The following LTK variants were observed in gnomAD, a reference collection of about 807,000 sequenced individuals.
The protein encoded by LTK is leukocyte tyrosine kinase receptor.
A neutral mutation model predicts 101.5 loss-of-function variants in LTK; 117 were observed. The observed-to-expected ratio is 1.15, with a 90% CI of 0.99 to 1.34. LTK has a LOEUF of 1.34. Ranked by LOEUF, LTK falls within the 40% of genes most tolerant of loss-of-function variation. LTK has a pLI of 0.00. For missense variants in LTK, 1,252 were observed against 1,164.7 expected, an observed-to-expected ratio of 1.07 and a Z score of -1.09; for synonymous variants, 563 against 494.2, an observed-to-expected ratio of 1.14 and a Z score of -1.85.
At position 41,511,009 on chromosome 15, in the gene LTK, C is replaced by T. The variant is rs1330956339; in HGVS notation, c.997+155G>A. On this transcript the variant is annotated intron_variant, in intron 7 of 19. Coordinates refer to ENST00000263800, the MANE Select transcript of LTK (RefSeq NM_002344.6). The surrounding 1 kb of genome is among the most constrained non-coding windows in gnomAD (Gnocchi z 5.9). ...GCTGATTTGCAGTGTATTTGACCTC[C>T]TTTTCTAAGAGCTCCTGCTTTTTGT... 6.6e-6 allele frequency among the ~76,000 whole-genome samples: 1 copy of T among 152,210 alleles called. No individual in the cohort carries two copies. Among genetic ancestry groups the T allele is most frequent in the Admixed American group, 6.5e-5 (1 of 15,282 alleles).
At chr15:41,504,454 T>C in intron 18 of LTK, 22 bp from the exon 19 acceptor site, 2 of 1,614,004 alleles carry the variant, frequency 1.2e-6, no homozygotes, top group Non-Finnish European at 1.7e-6. Flanking sequence ...CAGGAGTTCA[T>C]GCCCACCCAT....
intron 4 of LTK, 69 bp downstream of exon 4, chr15:41,512,046 C>T (rs1051187181): frequency 2.0e-6 from 3 of 1,488,458 alleles, no homozygotes; most frequent in Non-Finnish European, 2.7e-6. Context: ...GGAAAGCACG[C>T]TCCCCCGGCC....
rs772682331 is a variant in LTK, at chr15:41,507,123, C to A, written c.1513G>T (p.Val505Phe). The A allele has an allele frequency of 1.2e-6, 2 of 1,613,540 alleles. No individual in the cohort carries two copies. Among genetic ancestry groups the A allele is most frequent in the South Asian group, 1.1e-5 (1 of 91,038 alleles). ...SWPLPPGVTE[V>F]SPANVTLLRA... ...AGCAGAGTAACATTGGCTGGGGAAA[C>A]CTCGGTGACACCTGGTGGCAGAGGC... Residue 505 changes from valine (V) to phenylalanine (F), a missense_variant, in exon 11 of 20, where the codon GTT (valine) becomes TTT (phenylalanine). Val to Phe is a conservative substitution (Grantham distance 50, BLOSUM62 -1). Transcript: ENST00000263800.
rs145757122 is a variant in LTK at position 41,504,107 on chromosome 15, C to T, written c.2484G>A (p.Leu828=). ...PQPQELSPEK[L]KSWGGSPLGP... is the part of the protein sequence containing the mutation. Reference sequence around the variant, plus strand: ...CAAGAGGGCTACCTCCCCAGCTTTTCAACTTCTCTGGACTCAGTTCCTGGG... The same window carrying T: ...CAAGAGGGCTACCTCCCCAGCTTTTTAACTTCTCTGGACTCAGTTCCTGGG... Residue 828 remains leucine, a synonymous_variant, in exon 20 of 20, where the codon TTG becomes TTA. Transcript: ENST00000263800. The T allele has an allele frequency of 3.2e-5, 51 of 1,614,002 alleles. No individual in the cohort carries two copies. The African/African-American group carries it at 6.7e-4, about 21-fold the overall frequency.
rs1172780724 is a variant in LTK at position 41,512,970 on chromosome 15, A to G, written c.187+7T>C. 6.2e-7 allele frequency: 1 copy of G among 1,613,644 alleles called. No individual in the cohort carries two copies. Among genetic ancestry groups the G allele is most frequent in the Non-Finnish European group, 8.5e-7 (1 of 1,179,910 alleles). On this transcript the variant is annotated splice_region_variant and intron_variant, in intron 2 of 19. Transcript: ENST00000263800. Reference sequence around the variant, plus strand: ...AGCGAAAGAGGAAGGAGGCGTCTAAAGCTCACCCGGAGAATTCAGCGGGGA... The same window carrying G: ...AGCGAAAGAGGAAGGAGGCGTCTAAGGCTCACCCGGAGAATTCAGCGGGGA...
rs2051496829 is a variant in LTK, at chr15:41,512,157, C to A, written c.468G>T (p.Leu156=). The change falls in exon 4 of 20, where the codon CTG becomes CTT. Residue 156 remains leucine, a synonymous_variant. Transcript: ENST00000263800. ...CTCCCTGCTGCCCCACCAGGATGTA[C>A]AGCGACTCCCCGAGACCGAGGGAGA... ...AIFSLGLGES[L]YILVGQQGED... The A allele has an allele frequency of 6.2e-7, 1 of 1,611,636 alleles. No individual in the cohort carries two copies. The highest frequency in any genetic ancestry group is 1.3e-5 in the African/African-American group (1 of 74,724).
Position 41,507,650 on chromosome 15 carries a change from G to A in LTK, c.1257C>T (p.His419=), listed in dbSNP as rs10152795. 0.014 allele frequency: 22,468 copies of A among 1,613,188 alleles called. 564 individuals carry two copies. The highest frequency in any genetic ancestry group is 0.086 in the African/African-American group (6,458 of 74,966). Residue 419 remains histidine (H), a synonymous_variant, in exon 10 of 20, where the codon CAC becomes CAT. Transcript: ENST00000263800. ...AVDNVTCMDL[H]KPPGPLVLMV... is the part of the protein sequence containing the mutation. ...TCAGAACCAGAGGGCCTGGGGGCTT[G>A]TGCAGGTCTAGGGAGAAAGAGAGAC...
At chr15:41,509,651 G>A (rs1273916308) in intron 7 of LTK, among the ~76,000 whole-genome samples, 1 of 152,124 alleles carries the variant, frequency 6.6e-6, no homozygotes, top group African/African-American at 2.4e-5. Context: ...ACGAGGTCAG[G>A]AGTCCGAGAC....
Position 41,512,724 on chromosome 15 carries a change from C to T in LTK, c.342G>A (p.Pro114=), listed in dbSNP as rs1224940652. The part of the protein sequence containing the change: ...QLRGVQLWRV[P]GPGQYLISAY... ...GCACTTACAGATACTGGCCAGGGCC[C>T]GGCACGCGCCACAGCTGCACGCCTC... The change falls in exon 3 of 20, where the codon CCG becomes CCA. Residue 114 remains proline, a synonymous_variant. Coordinates refer to ENST00000263800, the MANE Select transcript of LTK (RefSeq NM_002344.6). 3 of 1,597,106 alleles carry T rather than the reference C, an allele frequency of 1.9e-6. No homozygotes were observed. The highest frequency in any genetic ancestry group is 1.1e-5 in the South Asian group (1 of 90,020).
chr15:41,512,405 A>G, intron 3 of LTK, 140 bp from the exon 4 acceptor site: 1 of 980,400 alleles, frequency 1.0e-6, no homozygotes, highest in South Asian at 1.7e-5. Context: ...ACGGGATGGG[A>G]AGGGTAGGTT....
rs141010188 is a variant in LTK, at chr15:41,505,411, C to A, written c.1817G>T (p.Arg606Leu). The A allele has an allele frequency of 1.9e-6, 3 of 1,613,890 alleles. No individual in the cohort carries two copies. Among genetic ancestry groups the A allele is most frequent in the Non-Finnish European group, 2.5e-6 (3 of 1,179,936 alleles). ...AGACAAGGGTCTCACCAGGTGTGGC[C>A]GACTGTGCCTCAGGAAACTCTTCAT... Reference protein sequence around the residue: ...GDMKSFLRHSRPHLGQPSPLV... With the variant: ...GDMKSFLRHSLPHLGQPSPLV... The change falls in exon 14 of 20, where the codon CGG (arginine) becomes CTG (leucine). Residue 606 changes from arginine to leucine, a missense_variant. Arg to Leu is a moderately radical substitution (Grantham distance 102). Transcript: ENST00000263800.
Position 41,511,564 on chromosome 15 carries a change from C to A in LTK, c.672G>T (p.Glu224Asp). ...CGGCCGCCACCAGCAACGGTTCCAG[C>A]TCGCCAGCGCGCACCTGTGGGGCCA... Reference protein sequence around the residue: ...ATYVFRVRAGELEPLLVAAGG... With the variant: ...ATYVFRVRAGDLEPLLVAAGG... Residue 224 changes from glutamate (E) to aspartate (D), a missense_variant, in exon 6 of 20, where the codon GAG becomes GAT. Glu to Asp is a conservative substitution (Grantham distance 45, BLOSUM62 2). Coordinates refer to ENST00000263800, the MANE Select transcript of LTK (RefSeq NM_002344.6). The surrounding 1 kb of genome is among the most constrained non-coding windows in gnomAD (Gnocchi z 5.9). 6.9e-7 allele frequency: 1 copy of A among 1,447,854 alleles called. No individual in the cohort carries two copies. Among genetic ancestry groups the A allele is most frequent in the Non-Finnish European group, 9.0e-7 (1 of 1,112,458 alleles). 89.7% of individuals were successfully genotyped at this position (1,447,854 alleles called of 1,614,324 possible). A position where few individuals can be genotyped will look rare whatever the true frequency, so the allele number is the denominator to read the frequency against.
At chr15:41,510,947 C>T (rs1360439351) in intron 7 of LTK, among the ~76,000 whole-genome samples, 1 of 152,194 alleles carries the variant, frequency 6.6e-6, no homozygotes, top group Non-Finnish European at 1.5e-5. Context: ...GGGAAAGATC[C>T]TGGATTAAAC....
chr15:41,512,622 C>A, intron 3 of LTK, 85 bp downstream of exon 3: 2 of 1,413,130 alleles, frequency 1.4e-6, no homozygotes, highest in African/African-American at 1.4e-5. Context: ...AGACGCAAGT[C>A]GGTGCGCACG....
chr15:41,508,252 G>A (rs1426718816), intron 8 of LTK, 31 bp from the exon 9 acceptor site: 3 of 1,591,646 alleles, frequency 1.9e-6, no homozygotes, highest in South Asian at 1.1e-5. Flanking sequence ...ATGATATGGT[G>A]TGGTAGGGCT....
In LTK at chr15:41,507,233, T is replaced by G. The variant is rs1236670973; in HGVS notation, c.1403A>C (p.Glu468Ala). ...QEMRLPSPEL[E>A]LSKLRTSAIR... ...GGCAGAGGTTCGAAGCTTGCTCAGC[T>G]CAAGCTCAGGGCTCGGCAGCCTCAT... Residue 468 changes from glutamate to alanine, a missense_variant, in exon 11 of 20, where the codon GAG becomes GCG. By Grantham distance (107) the Glu-to-Ala change is moderately radical. Coordinates refer to ENST00000263800, the MANE Select transcript of LTK (RefSeq NM_002344.6). The G allele has an allele frequency of 6.2e-7, 1 of 1,612,216 alleles. No homozygotes were observed. The highest frequency in any genetic ancestry group is 8.5e-7 in the Non-Finnish European group (1 of 1,179,504).
Position 41,511,678 on chromosome 15 carries a change from G to C in LTK, c.658-100C>G, listed in dbSNP as rs937181083. 7.1e-7 allele frequency: 1 copy of C among 1,410,014 alleles called. No individual in the cohort carries two copies. Among genetic ancestry groups the C allele is most frequent in the Admixed American group, 3.7e-5 (1 of 27,238 alleles). 87.3% of individuals were successfully genotyped at this position (1,410,014 alleles called of 1,614,324 possible). ...GCCCAGGGGGCCTGGATAAGGGCAG[G>C]GGCCCCCAGCCCAGCCCAGGCCAGC... On this transcript the variant is annotated intron_variant, in intron 5 of 19. Transcript: ENST00000263800. The surrounding 1 kb of genome is among the most constrained non-coding windows in gnomAD (Gnocchi z 5.9).
Position 41,504,787 on chromosome 15 carries a change from G to A in LTK, c.2106C>T (p.Ser702=). ...PEAFLEGIFT[S]KTDSWSFGVL... Reference sequence around the variant, plus strand: ...GGTGTTATCACCAGGAATCTGTCTTGGATGTGAAGATGCCCTCCAGGAAGG... The same window carrying A: ...GGTGTTATCACCAGGAATCTGTCTTAGATGTGAAGATGCCCTCCAGGAAGG... Residue 702 remains serine, a synonymous_variant, in exon 17 of 20, where the codon TCC becomes TCT. Coordinates refer to ENST00000263800, the MANE Select transcript of LTK (RefSeq NM_002344.6). 6.2e-7 allele frequency: 1 copy of A among 1,612,548 alleles called. No individual in the cohort carries two copies. The highest frequency in any genetic ancestry group is 1.1e-5 in the South Asian group (1 of 90,604).
Position 41,505,507 on chromosome 15 carries a change from A to G in LTK, c.1721T>C (p.Val574Ala). 2 of 1,614,042 alleles carry G rather than the reference A, an allele frequency of 1.2e-6. No homozygotes were observed. Among genetic ancestry groups the G allele is most frequent in the Non-Finnish European group, 1.7e-6 (2 of 1,180,002 alleles). Residue 574 changes from valine (V) to alanine (A), a missense_variant, in exon 14 of 20, where the codon GTG (valine) becomes GCG (alanine). By Grantham distance (64) the Val-to-Ala change is moderately conservative (BLOSUM62 0). Transcript: ENST00000263800. ...IISKFRHQNI[V>A]RCVGLSLRAT... ...CCTGAGGCTGAGCCCCACACACCGC[A>G]CAATGTTCTGATGGCGAAACTTGCT...
Sources: gnomAD v4.1 joint callset for allele counts (sites outside exome capture counted in the v4.1 genomes callset) on GRCh38, gnomAD v4.1.1 for gene constraint, Gnocchi (gnomAD v3.1) non-coding constraint, MANE v1.5 for transcripts, NCBI Gene and HGNC (gene_info 2026-07-23, HGNC 2026-07-21) for gene names.